Variants in KLRG1 observed in about 807,000 individuals in gnomAD.
The protein encoded by KLRG1 is killer cell lectin like receptor G1, also known as killer cell lectin-like receptor subfamily G member 1.
Under a neutral mutation model 21.8 loss-of-function variants are expected in KLRG1, and 16 were observed. The ratio of observed to expected loss-of-function variants is 0.73; its 90% CI spans 0.50 to 1.11. KLRG1 has a LOEUF of 1.11. Among genes scored for constraint, KLRG1 ranks in the 50% most tolerant of loss-of-function variants. The pLI is 0.00. For synonymous variants in KLRG1, 69 were observed against 75.9 expected, an observed-to-expected ratio of 0.91 and a Z score of 0.47; for missense variants, 173 against 218.3, an observed-to-expected ratio of 0.79 and a Z score of 1.31.
chr12:9,196,382 T>C, the KLRG1 span: 3 of 1,613,796 alleles, frequency 1.9e-6, no homozygotes, highest in Admixed American at 5.0e-5. Flanking sequence ...TTTCACGAAT[T>C]TGAGTTTGGA....
At chr12:9,208,455 C>G in the KLRG1 span, 1 of 749,164 alleles carries the variant, frequency 1.3e-6, no homozygotes, top group South Asian at 1.6e-5. Context: ...AGCCCCACCC[C>G]AAGGCCTCTG....
downstream of KLRG1, among the ~76,000 whole-genome samples, chr12:9,015,590 T>C (rs1947688648): frequency 6.6e-6 from 1 of 152,172 alleles, no homozygotes; most frequent in Non-Finnish European, 1.5e-5. Flanking sequence ...CTCTCAGCAT[T>C]AGACATATCA....
the KLRG1 span, chr12:9,093,654 CAAAA>C: frequency 1.9e-6 from 1 of 531,682 alleles, no homozygotes; most frequent in Non-Finnish European, 2.8e-6. Context: ...TAGTTGCCAC[CAAAA>C]AAAAAAAACA....
At chr12:9,067,725 G>T in the KLRG1 span, 1 of 1,030,404 alleles carries the variant, frequency 9.7e-7, no homozygotes, top group Non-Finnish European at 1.5e-6. Context: ...ACCAGAAAAA[G>T]TGTTTATTCA....
At chr12:9,064,075 A>G in the KLRG1 span, among the ~76,000 whole-genome samples, 2 of 152,234 alleles carry the variant, frequency 1.3e-5, no homozygotes, top group African/African-American at 2.4e-5. The surrounding 1 kb of genome is among the most constrained non-coding windows in gnomAD (Gnocchi z 4.0). Context: ...ACAGCTAATT[A>G]TAATGTTTAT....
the KLRG1 span, among the ~76,000 whole-genome samples, chr12:9,144,616 A>G: frequency 6.6e-6 from 1 of 152,186 alleles, no homozygotes; most frequent in Non-Finnish European, 1.5e-5. Context: ...CTTCTGGCCA[A>G]TTTTAGTCAG....
chr12:8,983,395 C>CTTTT (rs764267755), intron 1 of KLRG1, among the ~76,000 whole-genome samples: 16 of 89,506 alleles, frequency 1.8e-4, no homozygotes, highest in Non-Finnish European at 2.1e-4. Context: ...ACCATTTTAC[C>CTTTT]TTTTTTTTTT....
the KLRG1 span, chr12:9,077,354 T>C: frequency 6.2e-7 from 1 of 1,613,208 alleles, no homozygotes; most frequent in Non-Finnish European, 8.5e-7. Context: ...ACAGTGACTG[T>C]GAGAGGAATC....
chr12:9,207,889 ACTT>A, the KLRG1 span, among the ~76,000 whole-genome samples: 1 of 152,268 alleles, frequency 6.6e-6, no homozygotes, highest in Admixed American at 6.5e-5. Flanking sequence ...AAGGAGCTAT[ACTT>A]TCTGTATATA....
the KLRG1 span, among the ~76,000 whole-genome samples, chr12:9,140,612 A>G: frequency 6.6e-6 from 1 of 152,188 alleles, no homozygotes; most frequent in Admixed American, 6.5e-5. Flanking sequence ...CATTGATGGA[A>G]TTTTGTTCCA....
chr12:9,209,520 C>T, the KLRG1 span, among the ~76,000 whole-genome samples: 2 of 151,868 alleles, frequency 1.3e-5, no homozygotes, highest in South Asian at 2.1e-4. Context: ...AAACACTTGC[C>T]AAGTTTGTTT....
intron 3 of KLRG1, among the ~76,000 whole-genome samples, chr12:9,007,364 G>A (rs1947503452): frequency 1.3e-5 from 2 of 152,088 alleles, no homozygotes; most frequent in African/African-American, 2.4e-5. Flanking sequence ...GGGTTCAAGC[G>A]ATTCTCATGC....
the KLRG1 span, among the ~76,000 whole-genome samples, chr12:9,019,738 G>C: frequency 6.6e-6 from 1 of 152,086 alleles, no homozygotes; most frequent in South Asian, 2.1e-4. Context: ...AGAAATTTCT[G>C]ATTTCTTCCT....
At chr12:9,194,621 C>A in the KLRG1 span, among the ~76,000 whole-genome samples, 5 of 151,992 alleles carry the variant, frequency 3.3e-5, no homozygotes, top group East Asian at 5.8e-4. Context: ...CCCGCCACCC[C>A]GCCCAGCTAA....
chr12:9,074,586 C>T, the KLRG1 span: 1 of 1,612,844 alleles, frequency 6.2e-7, no homozygotes, highest in East Asian at 2.2e-5. Context: ...CCGCCCTGGG[C>T]ATTCTGCTGC....
chr12:8,977,406 G>T (rs1946676147), intron 1 of KLRG1, among the ~76,000 whole-genome samples: 1 of 142,872 alleles, frequency 7.0e-6, no homozygotes, highest in South Asian at 2.2e-4. Context: ...AGTAGAGACA[G>T]GGTTTCACCA....
At chr12:9,135,394 C>G in the KLRG1 span, 1 of 339,468 alleles carries the variant, frequency 2.9e-6, no homozygotes, top group Admixed American at 4.0e-5. Flanking sequence ...TCACGCTCAC[C>G]TCAACCTATG....
chr12:9,016,454 G>A, the KLRG1 span, among the ~76,000 whole-genome samples: 50 of 152,166 alleles, frequency 3.3e-4, no homozygotes, highest in Admixed American at 1.2e-3. Flanking sequence ...AGATTGAACC[G>A]TGAAGAAATT....
chr12:9,148,134 A>G, the KLRG1 span, among the ~76,000 whole-genome samples: 1 of 152,196 alleles, frequency 6.6e-6, no homozygotes, highest in Non-Finnish European at 1.5e-5. Context: ...AAAATTGTGT[A>G]TATTTACCAT....
Sources: allele counts gnomAD v4.1 joint callset (sites outside exome capture counted in the v4.1 genomes callset), GRCh38; gene constraint gnomAD v4.1.1; non-coding constraint Gnocchi (gnomAD v3.1); transcripts MANE v1.5; gene names NCBI Gene and HGNC (gene_info 2026-07-23, HGNC 2026-07-21).